BRI3: variants seen among roughly 807,000 people sequenced by gnomAD.
The protein encoded by BRI3 is membrane protein BRI3.
In BRI3, 6 loss-of-function variants were observed where a neutral mutation model predicts 12.8. The ratio of observed to expected loss-of-function variants is 0.47; its 90% CI spans 0.26 to 0.93. The LOEUF is 0.93. Ranked by LOEUF, BRI3 falls within the 40% of genes least tolerant of loss-of-function variation. The probability of loss-of-function intolerance (pLI) is 0.15; values close to 1 mark genes in which losing one functional copy is unlikely to be tolerated. For synonymous variants in BRI3, 91 were observed against 76.1 expected, an observed-to-expected ratio of 1.20 and a Z score of -1.02; for missense variants, 134 against 171.1, an observed-to-expected ratio of 0.78 and a Z score of 1.21.
chr7:98,288,900 G>A (rs1799800674), intron 2 of BRI3, among the ~76,000 whole-genome samples: 1 of 151,964 alleles, frequency 6.6e-6, no homozygotes, highest in Non-Finnish European at 1.5e-5. Flanking sequence ...CTCCACTGGA[G>A]ATTGCTGAAG....
chr7:98,294,037 G>A (rs1584408033), downstream of BRI3: 4 of 1,609,388 alleles, frequency 2.5e-6, no homozygotes, highest in East Asian at 4.5e-5. Context: ...GAAGAGCAAT[G>A]TCACACACTG....
At chr7:98,304,084 C>T, upstream of BRI3, 1 of 1,168,788 alleles carries the variant, frequency 8.6e-7, no homozygotes, top group Non-Finnish European at 1.1e-6. Context: ...CCCGGGGACA[C>T]CACTCTCCCC....
At chr7:98,304,666 G>T (rs1433271864), upstream of BRI3, among the ~76,000 whole-genome samples, 1 of 152,050 alleles carries the variant, frequency 6.6e-6, no homozygotes, top group Non-Finnish European at 1.5e-5. Flanking sequence ...TTCTGCTTCA[G>T]CCTCCTGAGT....
intron 1 of BRI3, among the ~76,000 whole-genome samples, chr7:98,300,846 C>A (rs1404046456): frequency 6.6e-6 from 1 of 152,200 alleles, no homozygotes; most frequent in Non-Finnish European, 1.5e-5. Context: ...CTTGAGCCCC[C>A]CAAGTCACCG....
the BRI3 span, among the ~76,000 whole-genome samples, chr7:98,318,801 G>A: frequency 6.6e-6 from 1 of 151,580 alleles, no homozygotes; most frequent in Non-Finnish European, 1.5e-5. Context: ...AAAATTAGCC[G>A]GGTGCAGTGG....
downstream of BRI3, among the ~76,000 whole-genome samples, chr7:98,296,775 C>G (rs953750725): frequency 6.6e-6 from 1 of 152,228 alleles, no homozygotes; most frequent in Non-Finnish European, 1.5e-5. Flanking sequence ...CTGGCAGGAG[C>G]CTCTCTGCCT....
At chr7:98,297,612 C>T (rs141677343), downstream of BRI3, among the ~76,000 whole-genome samples, 624 of 152,312 alleles carry the variant, frequency 4.1e-3, 6 homozygotes, top group African/African-American at 0.014. Context: ...GTCTGTGGCC[C>T]GGACTTGTCT....
chr7:98,320,384 G>A, the BRI3 span: 1 of 1,014,806 alleles, frequency 9.9e-7, no homozygotes, highest in Non-Finnish European at 1.5e-6. Flanking sequence ...CGCCCAGGCT[G>A]GAGTGCAAAG....
At chr7:98,284,227 G>T (rs1799630987) in intron 2 of BRI3, among the ~76,000 whole-genome samples, 1 of 152,208 alleles carries the variant, frequency 6.6e-6, no homozygotes, top group Non-Finnish European at 1.5e-5. Flanking sequence ...TTTAAGTTGG[G>T]ACCAGAGCAC....
At chr7:98,290,049 C>A (rs1019692858) in intron 2 of BRI3, among the ~76,000 whole-genome samples, 1 of 152,206 alleles carries the variant, frequency 6.6e-6, no homozygotes, top group African/African-American at 2.4e-5. Context: ...CATTAACCCA[C>A]CCCCGCTACC....
intron 2 of BRI3, among the ~76,000 whole-genome samples, chr7:98,287,184 G>A (rs1384092248): frequency 6.6e-6 from 1 of 152,248 alleles, no homozygotes; most frequent in Non-Finnish European, 1.5e-5. Flanking sequence ...CGGCACTGCA[G>A]GGAAACAGGC....
At chr7:98,289,006 G>C (rs1038048306) in intron 2 of BRI3, among the ~76,000 whole-genome samples, 2 of 152,008 alleles carry the variant, frequency 1.3e-5, no homozygotes, top group African/African-American at 4.8e-5. Flanking sequence ...TGTTGCCCAG[G>C]CTAGAGTGCA....
At chr7:98,283,385 A>T (rs1364962027) in intron 2 of BRI3, among the ~76,000 whole-genome samples, 1 of 152,184 alleles carries the variant, frequency 6.6e-6, no homozygotes, top group Non-Finnish European at 1.5e-5. Context: ...AGGAAGGGCA[A>T]CCTAGAGGTG....
chr7:98,310,833 G>A (rs1016175297), downstream of BRI3, among the ~76,000 whole-genome samples: 9 of 151,986 alleles, frequency 5.9e-5, no homozygotes, highest in Non-Finnish European at 1.0e-4. Context: ...TAACAGGCAC[G>A]CACTACCACA....
At chr7:98,293,587 G>GTT, downstream of BRI3, 2 of 1,613,756 alleles carry the variant, frequency 1.2e-6, no homozygotes, top group Non-Finnish European at 1.7e-6. Context: ...TGGCAAAGGG[G>GTT]TTTTCTCCGC....
At chr7:98,289,550 G>A (rs939458340) in intron 2 of BRI3, among the ~76,000 whole-genome samples, 9 of 152,210 alleles carry the variant, frequency 5.9e-5, no homozygotes, top group Admixed American at 2.6e-4. Flanking sequence ...GCACTGCCTT[G>A]CTGTAGGCTC....
chr7:98,284,864 C>G (rs1031370224), intron 2 of BRI3, among the ~76,000 whole-genome samples: 1 of 152,200 alleles, frequency 6.6e-6, no homozygotes, highest in East Asian at 1.9e-4. Flanking sequence ...CTGCCCTGCC[C>G]TGCCCTGCCT....
At chr7:98,317,169 G>C in the BRI3 span, 3 of 1,608,852 alleles carry the variant, frequency 1.9e-6, no homozygotes, top group Non-Finnish European at 2.5e-6. Context: ...CTCTTAAACT[G>C]TGCAAATTGT....
upstream of BRI3, among the ~76,000 whole-genome samples, chr7:98,305,336 T>C (rs1311046661): frequency 2.7e-5 from 4 of 146,372 alleles, no homozygotes; most frequent in Non-Finnish European, 1.5e-5. Flanking sequence ...AAAAAAAAAA[T>C]GTAAACACTT....
Sources: gnomAD v4.1 joint callset for allele counts (sites outside exome capture counted in the v4.1 genomes callset) on GRCh38, gnomAD v4.1.1 for gene constraint, MANE v1.5 for transcripts, NCBI Gene and HGNC (gene_info 2026-07-23, HGNC 2026-07-21) for gene names.